Variants in RBFOX1 observed in about 807,000 individuals in gnomAD.
RBFOX1 encodes the protein RNA binding protein fox-1 homolog 1.
A neutral mutation model predicts 57.7 loss-of-function variants in RBFOX1; 8 were observed. That is an observed-to-expected ratio of 0.14 (90% CI 0.08 to 0.25). The LOEUF is 0.25. Ranked by LOEUF, RBFOX1 falls within the 10% of genes least tolerant of loss-of-function variation. The probability of loss-of-function intolerance (pLI) is 1.00; values close to 1 mark genes in which losing one functional copy is unlikely to be tolerated. For missense variants in RBFOX1, 611 were observed against 548.5 expected (o/e 1.11, Z -1.14); for synonymous variants, 326 against 222.4 (o/e 1.47, Z -4.15).
At chr16:6,442,630 A>G (rs1032916819) in intron 2 of RBFOX1, among the ~76,000 whole-genome samples, 1 of 152,246 alleles carries the variant, frequency 6.6e-6, no homozygotes, top group East Asian at 1.9e-4. Flanking sequence ...AAACTGCCTA[A>G]CACACCTTCT....
intron 4 of RBFOX1, among the ~76,000 whole-genome samples, chr16:7,496,598 G>A (rs973452221): frequency 5.9e-5 from 9 of 151,886 alleles, no homozygotes; most frequent in African/African-American, 2.2e-4. Context: ...CCCAAAGTGT[G>A]TGTTCAAGTA....
At chr16:6,651,564 C>G (rs144640458) in intron 2 of RBFOX1, among the ~76,000 whole-genome samples, 43 of 152,152 alleles carry the variant, frequency 2.8e-4, no homozygotes, top group Non-Finnish European at 5.3e-4. Flanking sequence ...CCACAAGTGC[C>G]CATGAGGATG....
chr16:6,594,655 G>C (rs1462927700), intron 2 of RBFOX1, among the ~76,000 whole-genome samples: 1 of 151,636 alleles, frequency 6.6e-6, no homozygotes, highest in Non-Finnish European at 1.5e-5. Context: ...TCAGGTTGTG[G>C]ATTGTACAAC....
At chr16:6,835,211 C>G (rs73534655) in intron 3 of RBFOX1, among the ~76,000 whole-genome samples, 43,876 of 151,930 alleles carry the variant, frequency 0.29, 8,682 homozygotes, top group East Asian at 0.74. Context: ...GGCCTGACTT[C>G]TCTTGTGAAG....
chr16:6,382,229 C>G (rs558530561), intron 2 of RBFOX1, among the ~76,000 whole-genome samples: 1 of 152,306 alleles, frequency 6.6e-6, no homozygotes, highest in Admixed American at 6.5e-5. Flanking sequence ...GCCTGTGAGC[C>G]ATACAAAGAC....
intron 1 of RBFOX1, among the ~76,000 whole-genome samples, chr16:5,435,469 GA>G (rs1410168378): frequency 1.3e-5 from 2 of 152,124 alleles, no homozygotes; most frequent in African/African-American, 2.4e-5. Context: ...ATCCTGAAGG[GA>G]AAAAACAGCC....
chr16:5,446,311 C>T (rs892270402), intron 1 of RBFOX1, among the ~76,000 whole-genome samples: 8 of 151,774 alleles, frequency 5.3e-5, no homozygotes, highest in South Asian at 2.1e-4. Flanking sequence ...GCAGAAGACC[C>T]GAAAAAGGAA....
chr16:5,650,416 G>C (rs182848257), intron 3 of RBFOX1, among the ~76,000 whole-genome samples: 1 of 152,142 alleles, frequency 6.6e-6, no homozygotes, highest in African/African-American at 2.4e-5. Context: ...CAAGTGGTGC[G>C]GGAGAGGCAA....
At chr16:5,813,649 G>C (rs1463730101) in intron 3 of RBFOX1, among the ~76,000 whole-genome samples, 1 of 152,192 alleles carries the variant, frequency 6.6e-6, no homozygotes, top group East Asian at 1.9e-4. Context: ...ATATAACAGG[G>C]ATCCTGTATC....
In RBFOX1 at chr16:6,100,462, G is replaced by A. The variant is rs958665939; in HGVS notation, c.-127+80470G>A. Among the ~76,000 whole-genome samples the A allele has an allele frequency of 2.6e-5, 4 of 152,106 alleles. No individual in the cohort carries two copies. In the East Asian group the frequency reaches 5.8e-4, roughly 22 times the overall value. On this transcript the variant is annotated intron_variant, in intron 1 of 15. Transcript: ENST00000550418. Reference sequence around the variant, plus strand: ...CAGGCATGAGCCACCGCGCCCGGCCGGCTTATTGCTTTATTCTAATGTGAT... The same window carrying A: ...CAGGCATGAGCCACCGCGCCCGGCCAGCTTATTGCTTTATTCTAATGTGAT...
At chr16:6,751,669 T>A (rs1464841188) in intron 3 of RBFOX1, among the ~76,000 whole-genome samples, 1 of 152,120 alleles carries the variant, frequency 6.6e-6, no homozygotes, top group East Asian at 1.9e-4. Context: ...ATTTCTTGAG[T>A]CCGTTGGTTA....
At chr16:5,643,692 G>A (rs2048953596) in intron 3 of RBFOX1, among the ~76,000 whole-genome samples, 1 of 152,158 alleles carries the variant, frequency 6.6e-6, no homozygotes, top group South Asian at 2.1e-4. Flanking sequence ...GATCTACTTA[G>A]ATGCACAGGA....
chr16:6,933,882 A>T (rs1387885344), intron 3 of RBFOX1, among the ~76,000 whole-genome samples: 2 of 152,216 alleles, frequency 1.3e-5, no homozygotes, highest in Admixed American at 6.5e-5. Flanking sequence ...TTGTTTTGTC[A>T]AAACAAAGTT....
chr16:6,330,735 T>C (rs2082922529), intron 2 of RBFOX1, among the ~76,000 whole-genome samples: 1 of 152,226 alleles, frequency 6.6e-6, no homozygotes, highest in Admixed American at 6.5e-5. Flanking sequence ...TACAATAAAA[T>C]AGTATAATTA....
chr16:5,640,091 G>A (rs2048809937), intron 3 of RBFOX1, among the ~76,000 whole-genome samples: 1 of 152,126 alleles, frequency 6.6e-6, no homozygotes. Flanking sequence ...ATAAGAAAAA[G>A]GTAAAAGAAC....
At chr16:5,994,125 A>T (rs530365184) in intron 4 of RBFOX1, among the ~76,000 whole-genome samples, 5 of 152,024 alleles carry the variant, frequency 3.3e-5, no homozygotes, top group Non-Finnish European at 7.4e-5. Context: ...TCCAGCTGTA[A>T]TGGGTGTATT....
At chr16:6,889,603 G>A (rs2064947775) in intron 3 of RBFOX1, among the ~76,000 whole-genome samples, 1 of 152,188 alleles carries the variant, frequency 6.6e-6, no homozygotes, top group African/African-American at 2.4e-5. Context: ...CGACTAGTTT[G>A]TGGAGGAAGG....
intron 10 of RBFOX1, among the ~76,000 whole-genome samples, chr16:7,621,946 A>G (rs1292505107): frequency 1.3e-5 from 2 of 152,238 alleles, no homozygotes; most frequent in African/African-American, 2.4e-5. Flanking sequence ...GCTGTCTTCC[A>G]ATGAAACTTT....
At chr16:6,573,375 A>T (rs2097372685) in intron 2 of RBFOX1, among the ~76,000 whole-genome samples, 1 of 152,124 alleles carries the variant, frequency 6.6e-6, no homozygotes, top group Non-Finnish European at 1.5e-5. Context: ...AGCTCTAAGA[A>T]ATTTCTTTAC....
Sources: gnomAD v4.1 joint callset for allele counts (sites outside exome capture counted in the v4.1 genomes callset) on GRCh38, gnomAD v4.1.1 for gene constraint, MANE v1.5 for transcripts, NCBI Gene and HGNC (gene_info 2026-07-23, HGNC 2026-07-21) for gene names.